Variants in HEPHL1 observed in about 807,000 individuals in gnomAD.
The protein encoded by HEPHL1 is hephaestin like 1.
HEPHL1 carries 123 observed loss-of-function variants against 122.0 expected under a neutral mutation model. The observed-to-expected ratio is 1.01, with a 90% CI of 0.87 to 1.17. HEPHL1 has a LOEUF of 1.17. HEPHL1 is among the 50% of genes most tolerant of loss of function. The pLI is 0.00. For missense variants in HEPHL1, 1,452 were observed against 1,430.5 expected, an observed-to-expected ratio of 1.01 and a Z score of -0.24; for synonymous variants, 527 against 508.9, an observed-to-expected ratio of 1.04 and a Z score of -0.48.
chr11:94,039,397 C>G (rs1205311806), intron 1 of HEPHL1, among the ~76,000 whole-genome samples: 1 of 152,096 alleles, frequency 6.6e-6, no homozygotes, highest in East Asian at 1.9e-4. Context: ...GAACTCTCCA[C>G]CCCAAATCAA....
At chr11:94,095,707 G>A (rs946413703) in intron 13 of HEPHL1, among the ~76,000 whole-genome samples, 2 of 152,126 alleles carry the variant, frequency 1.3e-5, no homozygotes, top group African/African-American at 4.8e-5. Flanking sequence ...GTTGAGCAGT[G>A]GTTTGTAGTT....
At chr11:94,098,712 C>A (rs1196212302) in intron 13 of HEPHL1, among the ~76,000 whole-genome samples, 1 of 152,186 alleles carries the variant, frequency 6.6e-6, no homozygotes, top group Non-Finnish European at 1.5e-5. Context: ...TTGTTCGTTT[C>A]TTTTTACTCT....
chr11:94,108,048 T>C (rs889519098), intron 17 of HEPHL1, among the ~76,000 whole-genome samples: 3 of 152,142 alleles, frequency 2.0e-5, no homozygotes, highest in African/African-American at 2.4e-5. Flanking sequence ...ACATATGCAG[T>C]TGGTATTTTT....
At chr11:94,053,952 C>T (rs1945913293) in intron 2 of HEPHL1, among the ~76,000 whole-genome samples, 1 of 152,216 alleles carries the variant, frequency 6.6e-6, no homozygotes, top group Non-Finnish European at 1.5e-5. Context: ...GTTCCAGAGA[C>T]ATCATTTAGG....
intron 2 of HEPHL1, among the ~76,000 whole-genome samples, chr11:94,053,703 T>C (rs1456766687): frequency 6.6e-6 from 1 of 152,216 alleles, no homozygotes; most frequent in Non-Finnish European, 1.5e-5. Context: ...TGTGATTTCT[T>C]CTTTGACCTG....
intron 1 of HEPHL1, among the ~76,000 whole-genome samples, chr11:94,039,349 C>G (rs554627673): frequency 6.6e-6 from 1 of 152,050 alleles, no homozygotes; most frequent in African/African-American, 2.4e-5. Context: ...AGGAATTGAA[C>G]TCAGCTCTGC....
Position 94,075,240 on chromosome 11 carries a change from A to G in HEPHL1, c.1571A>G (p.Glu524Gly). The change falls in exon 9 of 20, where the codon GAG (glutamate) becomes GGG (glycine). Residue 524 changes from glutamate to glycine, a missense_variant. Coordinates refer to ENST00000315765, the MANE Select transcript of HEPHL1 (RefSeq NM_001098672.2). Reference protein sequence around the residue: ...ETFTYKWTVPESVSPTAGDPP... With the variant: ...ETFTYKWTVPGSVSPTAGDPP... ...TTCACATACAAGTGGACAGTGCCTG[A>G]GAGCGTAAGCCCAACTGCTGGTGAT... 1 of 1,613,530 alleles carries G rather than the reference A, an allele frequency of 6.2e-7. No individual in the cohort carries two copies. Among genetic ancestry groups the G allele is most frequent in the African/African-American group, 1.3e-5 (1 of 75,030 alleles).
intron 1 of HEPHL1, among the ~76,000 whole-genome samples, chr11:94,045,405 C>A (rs1331992194): frequency 3.9e-5 from 6 of 152,190 alleles, no homozygotes; most frequent in African/African-American, 1.4e-4. Context: ...TGGAAAGGGG[C>A]AAATTTGTAG....
chr11:94,096,570 T>C (rs1296904964), intron 13 of HEPHL1, among the ~76,000 whole-genome samples: 1 of 152,198 alleles, frequency 6.6e-6, no homozygotes, highest in Non-Finnish European at 1.5e-5. Flanking sequence ...TTTCTATTGA[T>C]TGGAATAGTT....
intron 13 of HEPHL1, among the ~76,000 whole-genome samples, chr11:94,099,920 C>G (rs1946353863): frequency 6.6e-6 from 1 of 152,100 alleles, no homozygotes; most frequent in East Asian, 1.9e-4. Flanking sequence ...TCACAGCTTC[C>G]CTTGGTCGGA....
In HEPHL1 at chr11:94,103,119, A is replaced by G; in HGVS notation, c.2682+99A>G. 5 of 727,750 alleles carry G rather than the reference A, an allele frequency of 6.9e-6. No homozygotes were observed. The South Asian group carries it at 7.6e-5, about 11-fold the overall frequency. The allele number at this position is 727,750 out of a possible 1,614,324, so 45.1% of individuals were successfully genotyped here. A position where few individuals can be genotyped will look rare whatever the true frequency, so the allele number is the denominator to read the frequency against. ...GGGTTGGTATATGTGAAAGCGTATA[A>G]TGATTTAGAGCAAGGGTCTCATACT... On this transcript the variant is annotated intron_variant, in intron 15 of 19. Transcript: ENST00000315765.
At chr11:94,096,770 T>C (rs912528849) in intron 13 of HEPHL1, among the ~76,000 whole-genome samples, 1 of 152,240 alleles carries the variant, frequency 6.6e-6, no homozygotes, top group Non-Finnish European at 1.5e-5. Context: ...TCGAGGAATT[T>C]ATCCATTTCT....
intron 1 of HEPHL1, among the ~76,000 whole-genome samples, chr11:94,034,703 A>T (rs1945705470): frequency 6.6e-6 from 1 of 152,186 alleles, no homozygotes; most frequent in South Asian, 2.1e-4. Flanking sequence ...CTTCACAAAG[A>T]AAGTCCCAGA....
chr11:94,059,638 T>G (rs1945967566), intron 2 of HEPHL1, among the ~76,000 whole-genome samples: 1 of 152,190 alleles, frequency 6.6e-6, no homozygotes. Context: ...CCTTAATAAA[T>G]TCTTTTGAAA....
rs530573518 is a variant in HEPHL1 at position 94,090,555 on chromosome 11, T to C, written c.2294+1587T>C. On this transcript the variant is annotated intron_variant, in intron 12 of 19. Transcript: ENST00000315765. Reference sequence around the variant, plus strand: ...AATGCCATAATTACACCTTCCCCTGTCACTCTGATTCTTGCCCATACATAG... The same window carrying C: ...AATGCCATAATTACACCTTCCCCTGCCACTCTGATTCTTGCCCATACATAG... Among the ~76,000 whole-genome samples, 12 of 152,318 alleles carry C rather than the reference T, an allele frequency of 7.9e-5. No individual in the cohort carries two copies. In the South Asian group the frequency reaches 2.5e-3, roughly 32 times the overall value.
At chr11:94,044,158 T>A (rs548095079) in intron 1 of HEPHL1, among the ~76,000 whole-genome samples, 1 of 151,936 alleles carries the variant, frequency 6.6e-6, no homozygotes, top group South Asian at 2.1e-4. Context: ...GGGCTTCACC[T>A]CTCCAGGAGA....
In HEPHL1 at chr11:94,049,195, G is replaced by A. The variant is rs142948484; in HGVS notation, c.415+3278G>A. 5.3e-3 allele frequency among the ~76,000 whole-genome samples: 809 copies of A among 151,904 alleles called. 11 individuals carry two copies. Among genetic ancestry groups the A allele is most frequent in the African/African-American group, 0.018 (760 of 41,378 alleles). Reference sequence around the variant, plus strand: ...TACTGGTATAGTAGACATACAAATGGCCAACAGGTATATTAAAAAAATGCT... The same window carrying A: ...TACTGGTATAGTAGACATACAAATGACCAACAGGTATATTAAAAAAATGCT... On this transcript the variant is annotated intron_variant, in intron 2 of 19. Coordinates refer to ENST00000315765, the MANE Select transcript of HEPHL1 (RefSeq NM_001098672.2).
At position 94,111,800 on chromosome 11, in the gene HEPHL1, C is replaced by G. The variant is rs1946452450; in HGVS notation, c.3386C>G (p.Thr1129Ser). 6.3e-7 allele frequency: 1 copy of G among 1,577,036 alleles called. No individual in the cohort carries two copies. The highest frequency in any genetic ancestry group is 1.8e-5 in the Admixed American group (1 of 55,350). Residue 1129 changes from threonine (T) to serine (S), a missense_variant, in exon 20 of 20, where the codon ACC becomes AGC. By Grantham distance (58) the Thr-to-Ser change is moderately conservative (BLOSUM62 1). Coordinates refer to ENST00000315765, the MANE Select transcript of HEPHL1 (RefSeq NM_001098672.2). The part of the protein sequence containing the change: ...LFIIGLLLLI[T>S]TVILSLRLCS... Reference sequence around the variant, plus strand: ...ATCATTGGACTCCTCCTTCTAATCACCACGGTGATTCTCTCCCTCAGACTC... The same window carrying G: ...ATCATTGGACTCCTCCTTCTAATCAGCACGGTGATTCTCTCCCTCAGACTC...
At position 94,094,873 on chromosome 11, in the gene HEPHL1, T is replaced by A. The variant is rs1360592239; in HGVS notation, c.2434+1233T>A. On this transcript the variant is annotated intron_variant, in intron 13 of 19. Transcript: ENST00000315765. ...TTTTTTCTTGTAAATTTGTTTGAGT[T>A]CTTTGTAGATTCTGGATATTAGCCC... Among the ~76,000 whole-genome samples, 4 of 152,328 alleles carry A rather than the reference T, an allele frequency of 2.6e-5. No individual in the cohort carries two copies. In the South Asian group the frequency reaches 6.2e-4, roughly 24 times the overall value.
Sources: allele counts gnomAD v4.1 joint callset (sites outside exome capture counted in the v4.1 genomes callset), GRCh38; gene constraint gnomAD v4.1.1; transcripts MANE v1.5; gene names NCBI Gene and HGNC (gene_info 2026-07-23, HGNC 2026-07-21).